The following TSPAN9 variants were observed in gnomAD, a reference collection of about 807,000 sequenced individuals.
TSPAN9 encodes the protein tetraspanin 9.
TSPAN9 carries 16 observed loss-of-function variants against 31.0 expected under a neutral mutation model. The ratio of observed to expected loss-of-function variants is 0.52; its 90% CI spans 0.35 to 0.78. The LOEUF is 0.78. TSPAN9 is among the 30% of genes least tolerant of loss of function. The pLI is 0.01. For synonymous variants in TSPAN9, 145 were observed against 121.6 expected, an observed-to-expected ratio of 1.19 and a Z score of -1.27; for missense variants, 272 against 312.5, an observed-to-expected ratio of 0.87 and a Z score of 0.98.
chr12:3,201,536 C>T (rs536369282), intron 3 of TSPAN9, among the ~76,000 whole-genome samples: 1 of 152,320 alleles, frequency 6.6e-6, no homozygotes, highest in African/African-American at 2.4e-5. Flanking sequence ...CCTCCTTCCC[C>T]TATAAGAAAA....
chr12:3,114,235 C>CA (rs2153965627), intron 2 of TSPAN9, among the ~76,000 whole-genome samples: 1 of 152,212 alleles, frequency 6.6e-6, no homozygotes, highest in Non-Finnish European at 1.5e-5. Flanking sequence ...AGCTGTGTTC[C>CA]AAAAAATGTA....
chr12:3,238,877 G>T (rs1458659420), intron 3 of TSPAN9, among the ~76,000 whole-genome samples: 1 of 151,992 alleles, frequency 6.6e-6, no homozygotes, highest in Non-Finnish European at 1.5e-5. Flanking sequence ...CTTTGTGTGT[G>T]TAACACCTTC....
intron 2 of TSPAN9, among the ~76,000 whole-genome samples, chr12:3,188,313 G>A (rs1392812878): frequency 6.6e-6 from 1 of 152,210 alleles, no homozygotes; most frequent in Non-Finnish European, 1.5e-5. Flanking sequence ...CCACAGCACT[G>A]GGGTGGCCTG....
intron 2 of TSPAN9, among the ~76,000 whole-genome samples, chr12:3,155,749 T>C (rs912720086): frequency 1.3e-5 from 2 of 152,198 alleles, no homozygotes; most frequent in East Asian, 3.9e-4. Flanking sequence ...AAATTTCCTT[T>C]TCTCCGTTTT....
intron 3 of TSPAN9, among the ~76,000 whole-genome samples, chr12:3,229,766 C>T (rs1329208384): frequency 1.9e-5 from 2 of 103,698 alleles, no homozygotes; most frequent in African/African-American, 5.8e-5. Flanking sequence ...ACAGCTGGGG[C>T]TGACACAGCT....
At chr12:3,125,593 A>G (rs2098326988) in intron 2 of TSPAN9, among the ~76,000 whole-genome samples, 2 of 152,224 alleles carry the variant, frequency 1.3e-5, no homozygotes, top group South Asian at 4.2e-4. Context: ...GAAGACCCTA[A>G]TTTAAGGTTC....
intron 3 of TSPAN9, among the ~76,000 whole-genome samples, chr12:3,258,808 T>C (rs1862398124): frequency 6.6e-6 from 1 of 152,110 alleles, no homozygotes; most frequent in African/African-American, 2.4e-5. Flanking sequence ...TTTATTGAAA[T>C]CTCAATGCAC....
At chr12:3,195,530 G>A (rs775591127) in intron 2 of TSPAN9, among the ~76,000 whole-genome samples, 4 of 152,236 alleles carry the variant, frequency 2.6e-5, no homozygotes, top group Non-Finnish European at 5.9e-5. Context: ...TGGGTGGCAA[G>A]CTGAGAATGA....
chr12:3,258,065 G>C (rs115146486), intron 3 of TSPAN9, among the ~76,000 whole-genome samples: 4 of 152,202 alleles, frequency 2.6e-5, no homozygotes, highest in African/African-American at 9.7e-5. Flanking sequence ...GACCTTGAGT[G>C]CAGGGCAGAG....
intron 3 of TSPAN9, among the ~76,000 whole-genome samples, chr12:3,216,508 T>G (rs552144312): frequency 1.3e-5 from 2 of 152,178 alleles, no homozygotes; most frequent in Admixed American, 1.3e-4. Context: ...TCGTACCGTC[T>G]CAAAGCACCC....
intron 3 of TSPAN9, among the ~76,000 whole-genome samples, chr12:3,212,638 C>T (rs542648387): frequency 5.1e-4 from 78 of 152,286 alleles, no homozygotes; most frequent in South Asian, 5.0e-3. Flanking sequence ...CTTGTGCACA[C>T]GCACTGCAGA....
At chr12:3,137,754 C>G (rs2098332781) in intron 2 of TSPAN9, among the ~76,000 whole-genome samples, 1 of 152,170 alleles carries the variant, frequency 6.6e-6, no homozygotes, top group African/African-American at 2.4e-5. Context: ...GTTACATCAG[C>G]CTACAGCCCA....
intron 2 of TSPAN9, among the ~76,000 whole-genome samples, chr12:3,184,718 T>C (rs1179741655): frequency 8.5e-5 from 13 of 152,166 alleles, no homozygotes; most frequent in African/African-American, 2.9e-4. Flanking sequence ...CCTGCATGGT[T>C]TTGCTGACGT....
intron 3 of TSPAN9, among the ~76,000 whole-genome samples, chr12:3,219,715 G>T (rs2098383287): frequency 6.6e-6 from 1 of 152,138 alleles, no homozygotes. Flanking sequence ...GTCGGGGGGT[G>T]AGGAGCTAGG....
chr12:3,162,119 T>C (rs999542592), intron 2 of TSPAN9, among the ~76,000 whole-genome samples: 1 of 152,136 alleles, frequency 6.6e-6, no homozygotes, highest in Non-Finnish European at 1.5e-5. Context: ...TAATAGTTCC[T>C]GTGAGAGCTG....
Position 3,201,730 on chromosome 12 carries a change from G to C in TSPAN9, c.63+474G>C, listed in dbSNP as rs905154076. Among the ~76,000 whole-genome samples, 24 of 152,240 alleles carry C rather than the reference G, an allele frequency of 1.6e-4. 1 individual carries two copies. Among genetic ancestry groups the C allele is most frequent in the African/African-American group, 5.1e-4 (21 of 41,462 alleles). The stretch of plus-strand genomic sequence containing the variant: ...AGCATTTTATGGGAGTGGGTTGGAG[G>C]GGGGCGGGGTGTAGAGGCCACATGT... On this transcript the variant is annotated intron_variant, in intron 3 of 8. Coordinates refer to ENST00000011898, the MANE Select transcript of TSPAN9 (RefSeq NM_006675.5).
chr12:3,194,941 A>G (rs555983275), intron 2 of TSPAN9, among the ~76,000 whole-genome samples: 1 of 152,324 alleles, frequency 6.6e-6, no homozygotes, highest in East Asian at 1.9e-4. Flanking sequence ...TCGGCAACGA[A>G]AGCATTTTCT....
At chr12:3,239,274 T>C (rs1400905258) in intron 3 of TSPAN9, among the ~76,000 whole-genome samples, 1 of 152,196 alleles carries the variant, frequency 6.6e-6, no homozygotes, top group Non-Finnish European at 1.5e-5. Flanking sequence ...CTGGGAACGC[T>C]GGGCAGGAGC....
At chr12:3,264,465 A>G (rs970333288) in intron 3 of TSPAN9, among the ~76,000 whole-genome samples, 1 of 152,366 alleles carries the variant, frequency 6.6e-6, no homozygotes, top group Admixed American at 6.5e-5. Context: ...AAATCGGGAA[A>G]GCAAGCCGCC....
Sources: gnomAD v4.1 joint callset for allele counts (sites outside exome capture counted in the v4.1 genomes callset) on GRCh38, gnomAD v4.1.1 for gene constraint, MANE v1.5 for transcripts, NCBI Gene and HGNC (gene_info 2026-07-23, HGNC 2026-07-21) for gene names.